TSPAN9: variants seen among roughly 807,000 people sequenced by gnomAD.
TSPAN9 encodes the protein tetraspanin-9.
TSPAN9 carries 16 observed loss-of-function variants against 31.0 expected under a neutral mutation model. The observed-to-expected ratio is 0.52, with a 90% CI of 0.35 to 0.78. TSPAN9 has a LOEUF of 0.78. Among genes scored for constraint, TSPAN9 ranks in the 30% least tolerant of loss-of-function variants. The pLI is 0.01. For missense variants in TSPAN9, 272 were observed against 312.5 expected, an observed-to-expected ratio of 0.87 and a Z score of 0.98; for synonymous variants, 145 against 121.6, an observed-to-expected ratio of 1.19 and a Z score of -1.27.
chr12:3,254,564 C>T (rs565789876), intron 3 of TSPAN9, among the ~76,000 whole-genome samples: 4 of 152,198 alleles, frequency 2.6e-5, no homozygotes, highest in Non-Finnish European at 4.4e-5. Context: ...CTGTCTTGTC[C>T]GTTCTGATGA....
chr12:3,275,625 A>T (rs1474396751), intron 3 of TSPAN9, among the ~76,000 whole-genome samples: 1 of 152,244 alleles, frequency 6.6e-6, no homozygotes, highest in East Asian at 1.9e-4. Context: ...CTGGAGCGCC[A>T]CCTAGTGGCC....
At position 3,125,903 on chromosome 12, in the gene TSPAN9, C is replaced by T. The variant is rs376813697; in HGVS notation, c.-18+42184C>T. ...ATGGATTATGAACGAGGACTCAGCA[C>T]ATCGCCTGGCATTTGAGGGCTCAAA... On this transcript the variant is annotated intron_variant, in intron 2 of 8. Transcript: ENST00000011898. Among the ~76,000 whole-genome samples the T allele has an allele frequency of 4.6e-5, 7 of 152,306 alleles. No individual in the cohort carries two copies. In the East Asian group the frequency reaches 1.4e-3, roughly 29 times the overall value.
intron 3 of TSPAN9, among the ~76,000 whole-genome samples, chr12:3,220,458 C>T (rs540857489): frequency 5.9e-5 from 9 of 152,322 alleles, no homozygotes; most frequent in Non-Finnish European, 1.2e-4. Context: ...GACTCTCCAG[C>T]GGTGCCTGCA....
chr12:3,176,381 C>T (rs755344187), intron 2 of TSPAN9, among the ~76,000 whole-genome samples: 10 of 152,180 alleles, frequency 6.6e-5, no homozygotes, highest in Admixed American at 1.3e-4. Context: ...ACAGAATGTG[C>T]GAAGGCATGA....
rs140925583 is a variant in TSPAN9 at position 3,233,687 on chromosome 12, G to A, written c.63+32431G>A. 9.9e-5 allele frequency among the ~76,000 whole-genome samples: 15 copies of A among 152,196 alleles called. No homozygotes were observed. The East Asian group carries it at 2.1e-3, about 22-fold the overall frequency. ...ATTGTTACCAGTTTTTTGCTGTCAC[G>A]AGCAAAGCTGCTGTGAGCATCTTTG... On this transcript the variant is annotated intron_variant, in intron 3 of 8. Transcript: ENST00000011898.
intron 2 of TSPAN9, among the ~76,000 whole-genome samples, chr12:3,171,130 C>T (rs974879910): frequency 9.9e-5 from 15 of 152,118 alleles, no homozygotes; most frequent in African/African-American, 3.6e-4. Flanking sequence ...CGACGCGCGC[C>T]GAGACCTTCT....
At chr12:3,215,540 A>G (rs1309583049) in intron 3 of TSPAN9, among the ~76,000 whole-genome samples, 2 of 152,078 alleles carry the variant, frequency 1.3e-5, no homozygotes, top group Non-Finnish European at 2.9e-5. Flanking sequence ...ATCTATTTCC[A>G]TCCCATCTCT....
At chr12:3,138,507 A>G (rs981999330) in intron 2 of TSPAN9, among the ~76,000 whole-genome samples, 1 of 151,412 alleles carries the variant, frequency 6.6e-6, no homozygotes. Context: ...GCTGTCACCC[A>G]GGCAGGAGTG....
chr12:3,165,017 G>A (rs2153969745), intron 2 of TSPAN9, among the ~76,000 whole-genome samples: 1 of 152,328 alleles, frequency 6.6e-6, no homozygotes, highest in South Asian at 2.1e-4. Flanking sequence ...GGAGGAAAGA[G>A]GCTCTCGTCT....
chr12:3,129,395 A>G (rs1432477825), intron 2 of TSPAN9, among the ~76,000 whole-genome samples: 3 of 152,168 alleles, frequency 2.0e-5, no homozygotes, highest in Non-Finnish European at 4.4e-5. Flanking sequence ...CCCTTTATGA[A>G]GCTGTAAATG....
chr12:3,079,771 A>ATTTTT (rs34675914), intron 1 of TSPAN9, among the ~76,000 whole-genome samples: 1 of 129,692 alleles, frequency 7.7e-6, no homozygotes. Flanking sequence ...CCCTTCTTCT[A>ATTTTT]TTTTTTTTTT....
chr12:3,094,221 C>T (rs891221885), intron 2 of TSPAN9, among the ~76,000 whole-genome samples: 1 of 152,136 alleles, frequency 6.6e-6, no homozygotes, highest in Non-Finnish European at 1.5e-5. Flanking sequence ...TGTTTCTAGC[C>T]GTGGCAGGAG....
At chr12:3,091,798 T>C (rs7980216) in intron 2 of TSPAN9, among the ~76,000 whole-genome samples, 94,050 of 152,032 alleles carry the variant, frequency 0.62, 29,924 homozygotes, top group African/African-American at 0.76. Context: ...ATTCTGCACC[T>C]CCACAACTCC....
chr12:3,179,020 T>G (rs2098357399), intron 2 of TSPAN9, among the ~76,000 whole-genome samples: 1 of 152,206 alleles, frequency 6.6e-6, no homozygotes, highest in African/African-American at 2.4e-5. Context: ...TGTAGCTTTT[T>G]CTGAAGAGGA....
chr12:3,233,806 T>G (rs1385166870), intron 3 of TSPAN9, among the ~76,000 whole-genome samples: 1 of 152,198 alleles, frequency 6.6e-6, no homozygotes, highest in African/African-American at 2.4e-5. Context: ...TTTTCCTCTT[T>G]TGAGAAATGC....
At chr12:3,241,863 T>G (rs948385369) in intron 3 of TSPAN9, among the ~76,000 whole-genome samples, 2 of 151,924 alleles carry the variant, frequency 1.3e-5, no homozygotes, top group Non-Finnish European at 2.9e-5. Context: ...CGAAGATCAG[T>G]GGAGGGCAAA....
chr12:3,190,601 C>T (rs1048322278), intron 2 of TSPAN9, among the ~76,000 whole-genome samples: 4 of 152,194 alleles, frequency 2.6e-5, no homozygotes, highest in African/African-American at 9.6e-5. Flanking sequence ...AAAACAGGGC[C>T]TGAGAGCCCA....
intron 2 of TSPAN9, among the ~76,000 whole-genome samples, chr12:3,151,930 A>C (rs933359502): frequency 5.9e-5 from 9 of 151,630 alleles, no homozygotes; most frequent in East Asian, 5.8e-4. Flanking sequence ...CTCAAAAAAA[A>C]CAAAAAAAAC....
At chr12:3,189,110 G>A (rs895119260) in intron 2 of TSPAN9, among the ~76,000 whole-genome samples, 1 of 152,190 alleles carries the variant, frequency 6.6e-6, no homozygotes, top group African/African-American at 2.4e-5. Flanking sequence ...GTCCAAAAGA[G>A]ATGACTAGAA....
Sources: allele counts gnomAD v4.1 joint callset (sites outside exome capture counted in the v4.1 genomes callset), GRCh38; gene constraint gnomAD v4.1.1; transcripts MANE v1.5; gene names NCBI Gene and HGNC (gene_info 2026-07-23, HGNC 2026-07-21).